Variants in UNC5D observed in about 807,000 individuals in gnomAD.
The protein encoded by UNC5D is unc-5 netrin receptor D, also known as netrin receptor UNC5D.
UNC5D carries 39 observed loss-of-function variants against 105.4 expected under a neutral mutation model. That is an observed-to-expected ratio of 0.37 (90% confidence interval 0.29 to 0.48). The LOEUF (loss-of-function observed/expected upper bound fraction) is 0.48. UNC5D is among the 20% of genes least tolerant of loss of function. The probability of loss-of-function intolerance (pLI) is 0.98; values close to 1 mark genes in which losing one functional copy is unlikely to be tolerated. For synonymous variants in UNC5D, 452 were observed against 450.4 expected, an observed-to-expected ratio of 1.00 and a Z score of -0.04; for missense variants, 991 against 1,202.4, an observed-to-expected ratio of 0.82 and a Z score of 2.60.
intron 11 of UNC5D, among the ~76,000 whole-genome samples, chr8:35,733,714 C>T (rs184824965): frequency 9.4e-4 from 143 of 152,272 alleles, no homozygotes; most frequent in South Asian, 2.5e-3. Flanking sequence ...TGAGTTACAG[C>T]CCCAATATAT....
chr8:35,474,463 A>G (rs375839959), intron 1 of UNC5D, among the ~76,000 whole-genome samples: 1 of 152,222 alleles, frequency 6.6e-6, no homozygotes, highest in Non-Finnish European at 1.5e-5. Context: ...GAAAAAGACC[A>G]TTTGAGATAC....
intron 1 of UNC5D, among the ~76,000 whole-genome samples, chr8:35,362,089 G>A (rs1266894622): frequency 2.0e-5 from 3 of 152,186 alleles, no homozygotes; most frequent in South Asian, 2.1e-4. Context: ...CATGATCTAA[G>A]TTTCTTTTTA....
chr8:35,464,981 T>C (rs942698147), intron 1 of UNC5D, among the ~76,000 whole-genome samples: 1 of 152,218 alleles, frequency 6.6e-6, no homozygotes, highest in Non-Finnish European at 1.5e-5. Context: ...CTGGCACTTA[T>C]CTGTCACCAC....
chr8:35,655,759 C>A (rs1823689334), intron 4 of UNC5D, among the ~76,000 whole-genome samples: 1 of 152,080 alleles, frequency 6.6e-6, no homozygotes, highest in African/African-American at 2.4e-5. Context: ...ATAAGAAGGG[C>A]AGTCCTTTCA....
chr8:35,383,227 G>C (rs1460082956), intron 1 of UNC5D, among the ~76,000 whole-genome samples: 1 of 152,116 alleles, frequency 6.6e-6, no homozygotes, highest in Non-Finnish European at 1.5e-5. Context: ...GCTCAGGGTA[G>C]AACTCATGCC....
At chr8:35,704,777 A>G (rs1827442218) in intron 7 of UNC5D, among the ~76,000 whole-genome samples, 1 of 152,070 alleles carries the variant, frequency 6.6e-6, no homozygotes, top group Admixed American at 6.6e-5. Context: ...GGCAGGGGGA[A>G]TGGGGAGAAC....
chr8:35,784,764 A>G, intron 16 of UNC5D, among the ~76,000 whole-genome samples: 1 of 152,138 alleles, frequency 6.6e-6, no homozygotes, highest in Admixed American at 6.5e-5. Flanking sequence ...AAAATAATTA[A>G]TAAAAAATAG....
intron 1 of UNC5D, among the ~76,000 whole-genome samples, chr8:35,455,543 T>C (rs1281618322): frequency 2.0e-5 from 3 of 151,886 alleles, no homozygotes; most frequent in Admixed American, 2.0e-4. Context: ...CCTCCCAAAG[T>C]GCTGGGATTA....
chr8:35,520,272 C>G (rs1253878332), intron 1 of UNC5D, among the ~76,000 whole-genome samples: 2 of 151,968 alleles, frequency 1.3e-5, no homozygotes, highest in Non-Finnish European at 2.9e-5. Flanking sequence ...ATCGATAAAC[C>G]TTGAAAATAC....
At chr8:35,544,461 T>C in intron 1 of UNC5D, 3 of 1,613,880 alleles carry the variant, frequency 1.9e-6, no homozygotes, top group Non-Finnish European at 2.5e-6. Flanking sequence ...ATCCTGGTGT[T>C]AGTTAAAGCT....
chr8:35,484,405 T>A (rs1032032336), intron 1 of UNC5D, among the ~76,000 whole-genome samples: 27 of 152,202 alleles, frequency 1.8e-4, no homozygotes, highest in Admixed American at 6.5e-5. Context: ...TCTATCAGCA[T>A]GTCTTATTAT....
intron 1 of UNC5D, among the ~76,000 whole-genome samples, chr8:35,339,005 C>A (rs1335592278): frequency 1.3e-5 from 2 of 152,140 alleles, no homozygotes; most frequent in Non-Finnish European, 2.9e-5. Flanking sequence ...AATCTACCTT[C>A]TATAACATAC....
intron 1 of UNC5D, among the ~76,000 whole-genome samples, chr8:35,272,209 A>G (rs904752559): frequency 4.9e-4 from 75 of 152,210 alleles, no homozygotes; most frequent in African/African-American, 1.7e-3. Context: ...ATGTTTAAAA[A>G]GTAACTATTA....
intron 1 of UNC5D, among the ~76,000 whole-genome samples, chr8:35,345,884 G>A (rs947024973): frequency 1.1e-4 from 17 of 152,106 alleles, no homozygotes; most frequent in Admixed American, 2.6e-4. Flanking sequence ...TTTGTAAAGA[G>A]CATCACCAAC....
chr8:35,315,317 G>T (rs1809205548), intron 1 of UNC5D, among the ~76,000 whole-genome samples: 1 of 152,228 alleles, frequency 6.6e-6, no homozygotes, highest in Non-Finnish European at 1.5e-5. Context: ...CCCCTATGGG[G>T]CAGGCTTGGG....
intron 1 of UNC5D, among the ~76,000 whole-genome samples, chr8:35,498,079 C>CAAAA (rs141361517): frequency 3.4e-5 from 2 of 59,422 alleles, no homozygotes; most frequent in African/African-American, 8.7e-5. Flanking sequence ...CAAAACAAAA[C>CAAAA]AAAACAAAAA....
intron 1 of UNC5D, among the ~76,000 whole-genome samples, chr8:35,488,748 C>G (rs1810995214): frequency 6.6e-6 from 1 of 152,128 alleles, no homozygotes; most frequent in South Asian, 2.1e-4. Flanking sequence ...GCATATCCTA[C>G]CATTATATTT....
At chr8:35,491,712 A>G (rs1352013055) in intron 1 of UNC5D, among the ~76,000 whole-genome samples, 1 of 152,060 alleles carries the variant, frequency 6.6e-6, no homozygotes, top group African/African-American at 2.4e-5. Context: ...ACAAAGTGGT[A>G]CTTTGTTATA....
At chr8:35,558,080 C>T (rs2918970) in intron 2 of UNC5D, among the ~76,000 whole-genome samples, 14 of 144,730 alleles carry the variant, frequency 9.7e-5, no homozygotes, top group Admixed American at 7.9e-4. Context: ...GAGCCAAGAT[C>T]GTGCCACTGC....
Sources: allele counts gnomAD v4.1 joint callset (sites outside exome capture counted in the v4.1 genomes callset), GRCh38; gene constraint gnomAD v4.1.1; transcripts MANE v1.5; gene names NCBI Gene and HGNC (gene_info 2026-07-23, HGNC 2026-07-21).